The following SLC30A8 variants were observed in gnomAD, a reference collection of about 807,000 sequenced individuals.
The protein encoded by SLC30A8 is solute carrier family 30 member 8, also known as proton-coupled zinc antiporter SLC30A8.
Under a neutral mutation model 36.9 loss-of-function variants are expected in SLC30A8, and 27 were observed. The ratio of observed to expected loss-of-function variants is 0.73; its 90% CI spans 0.54 to 1.01. The LOEUF (loss-of-function observed/expected upper bound fraction) is 1.01, where lower values mean the gene tolerates loss of function less well. Ranked by LOEUF, SLC30A8 falls within the 50% of genes least tolerant of loss-of-function variation. SLC30A8 has a pLI of 0.00. For synonymous variants in SLC30A8, 164 were observed against 172.4 expected, an observed-to-expected ratio of 0.95 and a Z score of 0.38; for missense variants, 439 against 452.0, an observed-to-expected ratio of 0.97 and a Z score of 0.26.
intron 2 of SLC30A8, among the ~76,000 whole-genome samples, chr8:117,059,208 A>G (rs181886643): frequency 3.3e-5 from 5 of 152,310 alleles, no homozygotes; most frequent in African/African-American, 1.2e-4. Context: ...AATGAAAGAG[A>G]AAAGGACTGC....
chr8:117,054,169 GCT>G (rs1430700951), intron 2 of SLC30A8, among the ~76,000 whole-genome samples: 1 of 146,144 alleles, frequency 6.8e-6, no homozygotes, highest in Non-Finnish European at 1.5e-5. Flanking sequence ...TGCAAATATG[GCT>G]CACTGCAGCC....
chr8:116,964,994 T>A (rs980845247), intron 1 of SLC30A8, among the ~76,000 whole-genome samples: 87 of 152,334 alleles, frequency 5.7e-4, no homozygotes, highest in African/African-American at 1.9e-3. Flanking sequence ...TGGAGTGCGA[T>A]GGTGTGATCT....
At chr8:116,967,171 G>T (rs1814626197) in intron 1 of SLC30A8, among the ~76,000 whole-genome samples, 1 of 152,110 alleles carries the variant, frequency 6.6e-6, no homozygotes, top group South Asian at 2.1e-4. Context: ...TAGCAATGTA[G>T]AATGAATATA....
upstream of SLC30A8, among the ~76,000 whole-genome samples, chr8:117,131,148 G>A (rs545458543): frequency 3.6e-4 from 55 of 151,738 alleles, no homozygotes; most frequent in Admixed American, 7.2e-4. Context: ...TATTGCTTTC[G>A]GTCCATTTTC....
At chr8:117,086,988 CT>C (rs1471333955) in intron 2 of SLC30A8, among the ~76,000 whole-genome samples, 1 of 152,200 alleles carries the variant, frequency 6.6e-6, no homozygotes, top group African/African-American at 2.4e-5. Flanking sequence ...TTCTTTGCTG[CT>C]GGCTGTATGT....
intron 2 of SLC30A8, among the ~76,000 whole-genome samples, chr8:117,104,609 C>T (rs1221488650): frequency 2.0e-5 from 3 of 152,164 alleles, no homozygotes; most frequent in African/African-American, 7.2e-5. Context: ...GTCCACATTT[C>T]TGTTACCAAA....
chr8:117,138,271 C>T (rs1252018743), intron 1 of SLC30A8, among the ~76,000 whole-genome samples: 1 of 151,782 alleles, frequency 6.6e-6, no homozygotes, highest in Non-Finnish European at 1.5e-5. Flanking sequence ...AACTATTTAA[C>T]TGCTAAAAAT....
intron 2 of SLC30A8, among the ~76,000 whole-genome samples, chr8:117,097,994 T>C (rs1819527576): frequency 7.8e-6 from 1 of 128,208 alleles, no homozygotes; most frequent in South Asian, 2.2e-4. Context: ...TAAATTTAAA[T>C]AAATATATAA....
chr8:117,027,782 C>T (rs1441284246), intron 1 of SLC30A8, among the ~76,000 whole-genome samples: 2 of 152,064 alleles, frequency 1.3e-5, no homozygotes, highest in East Asian at 3.9e-4. Flanking sequence ...TTTATATTCA[C>T]CTGCCACCCT....
intron 2 of SLC30A8, among the ~76,000 whole-genome samples, chr8:117,109,122 G>A (rs142753613): frequency 6.4e-4 from 97 of 152,234 alleles, no homozygotes; most frequent in Admixed American, 1.8e-3. Flanking sequence ...TCATATACCC[G>A]TAACTGGACC....
At chr8:116,969,780 G>T (rs898712174) in intron 1 of SLC30A8, among the ~76,000 whole-genome samples, 6 of 152,036 alleles carry the variant, frequency 3.9e-5, no homozygotes, top group African/African-American at 1.4e-4. Flanking sequence ...TGGCATAAAA[G>T]ATAAAAAATG....
chr8:116,985,874 A>G (rs754494829), intron 1 of SLC30A8, among the ~76,000 whole-genome samples: 1 of 152,216 alleles, frequency 6.6e-6, no homozygotes, highest in Non-Finnish European at 1.5e-5. Flanking sequence ...TAAGAAAGTT[A>G]TCAAGGAACA....
At chr8:117,056,539 CT>C (rs762592016) in intron 2 of SLC30A8, among the ~76,000 whole-genome samples, 28 of 151,702 alleles carry the variant, frequency 1.8e-4, no homozygotes, top group African/African-American at 6.1e-4. Flanking sequence ...CTTTTTCTTT[CT>C]TTTTTTCTTT....
intron 2 of SLC30A8, among the ~76,000 whole-genome samples, chr8:117,075,986 C>T (rs914076906): frequency 6.6e-6 from 1 of 152,194 alleles, no homozygotes; most frequent in Non-Finnish European, 1.5e-5. Context: ...AGAATTTCCT[C>T]TCTCATTACT....
intron 1 of SLC30A8, among the ~76,000 whole-genome samples, chr8:117,003,443 A>G (rs186713348): frequency 6.6e-6 from 1 of 152,344 alleles, no homozygotes; most frequent in Admixed American, 6.5e-5. Context: ...CAGCTTTAAA[A>G]TGCACATAAA....
intron 1 of SLC30A8, among the ~76,000 whole-genome samples, chr8:116,983,062 A>G (rs1418922570): frequency 6.6e-6 from 1 of 152,158 alleles, no homozygotes; most frequent in Non-Finnish European, 1.5e-5. Context: ...CATTTTGACC[A>G]AGTGCATTTT....
upstream of SLC30A8, among the ~76,000 whole-genome samples, chr8:117,131,241 T>C (rs1191984489): frequency 6.6e-6 from 1 of 152,038 alleles, no homozygotes; most frequent in African/African-American, 2.4e-5. Context: ...TAATGCTCTC[T>C]AAAATACAAT....
intron 2 of SLC30A8, among the ~76,000 whole-genome samples, chr8:117,110,260 T>TA (rs113977042): frequency 0.061 from 8,932 of 145,392 alleles, 423 homozygotes; most frequent in African/African-American, 0.13. Context: ...CAACATTACT[T>TA]AAAAAAAAAA....
chr8:116,958,971 TC>T (rs1344592859), intron 1 of SLC30A8, among the ~76,000 whole-genome samples: 2 of 143,288 alleles, frequency 1.4e-5, no homozygotes, highest in African/African-American at 5.2e-5. Flanking sequence ...TGCCTCAGCC[TC>T]CCGAGTAGCT....
Sources: gnomAD v4.1 joint callset for allele counts (sites outside exome capture counted in the v4.1 genomes callset) on GRCh38, gnomAD v4.1.1 for gene constraint, MANE v1.5 for transcripts, NCBI Gene and HGNC (gene_info 2026-07-23, HGNC 2026-07-21) for gene names.